Variants in NDE1 observed in about 807,000 individuals in gnomAD.
The protein encoded by NDE1 is nudE neurodevelopment protein 1.
NDE1 carries 28 observed loss-of-function variants against 43.4 expected under a neutral mutation model. That is an observed-to-expected ratio of 0.65 (90% CI 0.48 to 0.89). NDE1 has a LOEUF of 0.89. Among genes scored for constraint, NDE1 ranks in the 40% least tolerant of loss-of-function variants. The pLI is 0.00. For synonymous variants in NDE1, 184 were observed against 172.0 expected (o/e 1.07, Z -0.55); for missense variants, 441 against 434.1 (o/e 1.02, Z -0.14).
chr16:15,667,017 A>G (rs942182727), intron 2 of NDE1, among the ~76,000 whole-genome samples: 2 of 152,298 alleles, frequency 1.3e-5, no homozygotes, highest in Non-Finnish European at 2.9e-5. Context: ...AGGCCGAGGC[A>G]GGCAGATCAC....
chr16:15,720,088 C>T lies in NDE1; in HGVS notation c.948-4103C>T, dbSNP rs2075512. On this transcript the variant is annotated intron_variant, in intron 8 of 8. Coordinates refer to ENST00000396354, the MANE Select transcript of NDE1 (RefSeq NM_017668.3). ...TTCCTGGAGCCCGCTCTGCTGACTTCGGTGGCCTGAGGGGAACTGTGCCCT... is the reference window on the plus strand; with the variant it reads ...TTCCTGGAGCCCGCTCTGCTGACTTTGGTGGCCTGAGGGGAACTGTGCCCT... 0.58 allele frequency: 932,976 copies of T among 1,608,058 alleles called. 275,777 individuals are homozygous for T. The highest frequency in any genetic ancestry group is 0.84 in the African/African-American group (63,128 of 74,830).
intron 8 of NDE1, chr16:15,719,369 C>A (rs981292057): frequency 1.3e-6 from 2 of 1,567,644 alleles, no homozygotes; most frequent in South Asian, 1.1e-5. Flanking sequence ...ACCAAGAGTC[C>A]ACCCTGACAA....
rs187013182 is a variant in NDE1 at position 15,674,722 on chromosome 16, T to C, written c.238-3079T>C. 9.9e-5 allele frequency among the ~76,000 whole-genome samples: 15 copies of C among 152,274 alleles called. No homozygotes were observed. The East Asian group carries it at 2.9e-3, about 29-fold the overall frequency. Reference sequence around the variant, plus strand: ...GTCATTGAGATTCCTTTTTTTTTGCTTTTTGAGATAGCTGGGTCTCACTCT... The same window carrying C: ...GTCATTGAGATTCCTTTTTTTTTGCCTTTTGAGATAGCTGGGTCTCACTCT... On this transcript the variant is annotated intron_variant, in intron 3 of 8. Coordinates refer to ENST00000396354, the MANE Select transcript of NDE1 (RefSeq NM_017668.3).
chr16:15,658,450 C>G (rs946613017), intron 1 of NDE1, among the ~76,000 whole-genome samples: 1 of 152,172 alleles, frequency 6.6e-6, no homozygotes, highest in Admixed American at 6.5e-5. Context: ...GTTAGGCCCA[C>G]CCATGAGCTG....
chr16:15,674,654 A>G (rs1471110464), intron 3 of NDE1, among the ~76,000 whole-genome samples: 1 of 152,156 alleles, frequency 6.6e-6, no homozygotes, highest in African/African-American at 2.4e-5. Flanking sequence ...GTGTAAACCA[A>G]GTACATGCTG....
chr16:15,717,084 C>T, intron 8 of NDE1: 1 of 1,576,424 alleles, frequency 6.3e-7, no homozygotes, highest in Non-Finnish European at 8.7e-7. Context: ...TTCACTATGA[C>T]TCCTGCTGTC....
chr16:15,704,308 A>G (rs574083510), intron 8 of NDE1, among the ~76,000 whole-genome samples: 2 of 152,200 alleles, frequency 1.3e-5, no homozygotes, highest in Non-Finnish European at 2.9e-5. Context: ...AATCATTGCC[A>G]GTCTTAAGGC....
In NDE1 at chr16:15,667,567, G is replaced by C. The variant is rs553252776; in HGVS notation, c.237+128G>C. On this transcript the variant is annotated intron_variant, in intron 3 of 8. Transcript: ENST00000396354. The stretch of plus-strand genomic sequence containing the variant: ...CCCAGGCCCATGCTCATCTCTGGAA[G>C]GGCCTGTGCGGCAGACGTGATCTTT... 15 of 1,116,596 alleles carry C rather than the reference G, an allele frequency of 1.3e-5. No individual in the cohort carries two copies. In the East Asian group the frequency reaches 3.3e-4, roughly 25 times the overall value. The allele number at this position is 1,116,596 out of a possible 1,614,324, so 69.2% of individuals were successfully genotyped here.
chr16:15,719,245 C>T, intron 8 of NDE1: 2 of 1,613,706 alleles, frequency 1.2e-6, no homozygotes, highest in Non-Finnish European at 1.7e-6. Flanking sequence ...CTGGCCAGCT[C>T]CTCTGCCAGT....
intron 4 of NDE1, among the ~76,000 whole-genome samples, chr16:15,678,439 A>G (rs2151072043): frequency 6.6e-6 from 1 of 152,202 alleles, no homozygotes; most frequent in African/African-American, 2.4e-5. Flanking sequence ...ATTTCGGCTC[A>G]CTACAATCCC....
rs1023369244 is a variant in NDE1, at chr16:15,664,110, C to T, written c.-43-626C>T. On this transcript the variant is annotated intron_variant, in intron 1 of 8. Transcript: ENST00000396354. ...TATTATTTTATGCGTAATTTCCATTCCAGCCCCCACTCCCCCACTCCCTCC... is the reference window on the plus strand; with the variant it reads ...TATTATTTTATGCGTAATTTCCATTTCAGCCCCCACTCCCCCACTCCCTCC... Among the ~76,000 whole-genome samples the T allele has an allele frequency of 4.0e-5, 6 of 151,612 alleles. No homozygotes were observed. The South Asian group carries it at 6.2e-4, about 16-fold the overall frequency.
At position 15,724,304 on chromosome 16, in the gene NDE1, A is replaced by G; in HGVS notation, c.*53A>G. The G allele has an allele frequency of 6.2e-7, 1 of 1,613,954 alleles. No homozygotes were observed. On this transcript the variant is annotated 3_prime_UTR_variant, in exon 9 of 9. Coordinates refer to ENST00000396354, the MANE Select transcript of NDE1 (RefSeq NM_017668.3). ...TCATAAGCGGCCGCCTTCTCCTCGT[A>G]CTGCTGGGTGAGGTTCTCGATCTCC... is the stretch of plus-strand genomic sequence containing the variant.
chr16:15,662,032 CAT>C (rs986008043), intron 1 of NDE1, among the ~76,000 whole-genome samples: 6 of 152,036 alleles, frequency 3.9e-5, no homozygotes, highest in African/African-American at 1.2e-4. Flanking sequence ...TTCCTGGACT[CAT>C]GTGATCCTCC....
At chr16:15,669,025 G>A (rs1375352223) in intron 3 of NDE1, among the ~76,000 whole-genome samples, 9 of 151,554 alleles carry the variant, frequency 5.9e-5, no homozygotes, top group South Asian at 2.1e-4. Context: ...TCAGCCTCCC[G>A]AGTAGCTAGG....
In NDE1 at chr16:15,725,056, CT is replaced by C; in HGVS notation, c.*810del. 1.4e-6 allele frequency: 2 copies of C among 1,410,662 alleles called. No individual in the cohort carries two copies. The highest frequency in any genetic ancestry group is 2.0e-6 in the Non-Finnish European group (2 of 1,012,274). The allele number at this position is 1,410,662 out of a possible 1,614,324, so 87.4% of individuals were successfully genotyped here. A position where few individuals can be genotyped will look rare whatever the true frequency, so the allele number is the denominator to read the frequency against. On this transcript the variant is annotated 3_prime_UTR_variant, in exon 9 of 9. Coordinates refer to ENST00000396354, the MANE Select transcript of NDE1 (RefSeq NM_017668.3). ...AAGGGGATCCTCGTTGAAAGGAGCC[CT>C]TTTTACTCAAAACACATGGGCTAGT...
chr16:15,695,723 ATTTCT>A, intron 7 of NDE1: 1 of 984,686 alleles, frequency 1.0e-6, no homozygotes, highest in Non-Finnish European at 1.2e-6. Flanking sequence ...CTTGCAACTC[ATTTCT>A]TTTGTTTTTA....
At chr16:15,694,362 T>C in intron 7 of NDE1, 106 bp downstream of exon 7, 1 of 1,543,244 alleles carries the variant, frequency 6.5e-7, no homozygotes, top group African/African-American at 1.4e-5. Flanking sequence ...TCTTTTTTTT[T>C]AGAGACAGGG....
rs915177556 is a variant in NDE1 at position 15,654,628 on chromosome 16, A to T, written c.-44+4334A>T. Among the ~76,000 whole-genome samples, 2 of 150,330 alleles carry T rather than the reference A, an allele frequency of 1.3e-5. 1 individual carries two copies. Among genetic ancestry groups the T allele is most frequent in the South Asian group, 4.2e-4 (2 of 4,728 alleles). On this transcript the variant is annotated intron_variant, in intron 1 of 8. Coordinates refer to ENST00000396354, the MANE Select transcript of NDE1 (RefSeq NM_017668.3). ...AAAAAAAAAAAAAACAAAAAAAAAA[A>T]AAACAAAACTGGACCAAATGAAACA... is the stretch of plus-strand genomic sequence containing the variant.
chr16:15,718,378 C>T lies in NDE1; in HGVS notation c.948-5813C>T, dbSNP rs1596709576. 1.4e-5 allele frequency: 23 copies of T among 1,606,246 alleles called. No individual in the cohort carries two copies. Among genetic ancestry groups the T allele is most frequent in the Non-Finnish European group, 1.9e-5 (22 of 1,178,576 alleles). ...CCATGTTGCCCTGCTCCTCCTCCAG[C>T]TCCTCCTCCAGCTGGGCGATCCGGG... On this transcript the variant is annotated intron_variant, in intron 8 of 8. Coordinates refer to ENST00000396354, the MANE Select transcript of NDE1 (RefSeq NM_017668.3).
Sources: allele counts gnomAD v4.1 joint callset (sites outside exome capture counted in the v4.1 genomes callset), GRCh38; gene constraint gnomAD v4.1.1; transcripts MANE v1.5; gene names NCBI Gene and HGNC (gene_info 2026-07-23, HGNC 2026-07-21).